HPS1: variants seen among roughly 807,000 people sequenced by gnomAD.
The protein encoded by HPS1 is BLOC-3 complex member HPS1.
In HPS1, 59 loss-of-function variants were observed where a neutral mutation model predicts 90.6. That is an observed-to-expected ratio of 0.65 (90% confidence interval 0.53 to 0.81). HPS1 has a LOEUF of 0.81. Among genes scored for constraint, HPS1 ranks in the 30% least tolerant of loss-of-function variants. The pLI is 0.00. For missense variants in HPS1, 849 were observed against 896.7 expected, an observed-to-expected ratio of 0.95 and a Z score of 0.68; for synonymous variants, 388 against 384.4, an observed-to-expected ratio of 1.01 and a Z score of -0.11.
At position 98,417,737 on chromosome 10, in the gene HPS1, AG is replaced by A. The variant is rs774555067; in HGVS notation, c.1941-12del. 1 of 1,613,192 alleles carries A rather than the reference AG, an allele frequency of 6.2e-7. No homozygotes were observed. The highest frequency in any genetic ancestry group is 1.1e-5 in the South Asian group (1 of 91,060). On this transcript the variant is annotated splice_polypyrimidine_tract_variant and intron_variant, in intron 19 of 19. Coordinates refer to ENST00000361490, the MANE Select transcript of HPS1 (RefSeq NM_000195.5). This position sits in a 1 kb window ranked among gnomAD's most constrained non-coding sequence, Gnocchi z 4.2. ...TAGCGCAGGAGCTTCCTGGGGAGGA[AG>A]GGGAGGATGGGATTCAGGAGTGAGG...
In HPS1 at chr10:98,435,006, C is replaced by A; in HGVS notation, c.398+266G>T. On this transcript the variant is annotated intron_variant, in intron 5 of 19. Transcript: ENST00000361490. This position sits in a 1 kb window ranked among gnomAD's most constrained non-coding sequence, Gnocchi z 4.3. ...AGAGCACTGGACTGAGAGTCCTGAG[C>A]TCAAATATCCAGTTTGGATGTGGCC... 2.0e-6 allele frequency: 1 copy of A among 502,466 alleles called. No homozygotes were observed. The highest frequency in any genetic ancestry group is 3.6e-6 in the Non-Finnish European group (1 of 275,220). 31.1% of individuals were successfully genotyped at this position (502,466 alleles called of 1,614,324 possible). A position where few individuals can be genotyped will look rare whatever the true frequency, so the allele number is the denominator to read the frequency against.
At chr10:98,424,553 A>G (rs1397160984) in intron 13 of HPS1, among the ~76,000 whole-genome samples, 179 bp from the exon 14 acceptor site, 3 of 151,592 alleles carry the variant, frequency 2.0e-5, no homozygotes, top group Non-Finnish European at 2.9e-5. Context: ...TCAGTGTGCC[A>G]TGTTCTAGTC....
At chr10:98,429,509 T>C in intron 10 of HPS1, 64 bp downstream of exon 10, 4 of 1,612,978 alleles carry the variant, frequency 2.5e-6, no homozygotes, top group Non-Finnish European at 3.4e-6. Context: ...CTAAGACAGA[T>C]GTCCTGGGCT....
At chr10:98,440,992 A>G (rs1591148306) in intron 3 of HPS1, among the ~76,000 whole-genome samples, 1 of 152,260 alleles carries the variant, frequency 6.6e-6, no homozygotes, top group South Asian at 2.1e-4. Flanking sequence ...TTGAATGTCT[A>G]TGATCTCTGA....
rs762366571 is a variant in HPS1, at chr10:98,417,567, G to C, written c.2100C>G (p.Leu700=). 2.5e-6 allele frequency: 4 copies of C among 1,610,424 alleles called. No individual in the cohort carries two copies. The Admixed American group carries it at 6.7e-5, about 27-fold the overall frequency. The change falls in exon 20 of 20, where the codon CTC becomes CTG. Residue 700 remains leucine (L), a synonymous_variant. Coordinates refer to ENST00000361490, the MANE Select transcript of HPS1 (RefSeq NM_000195.5). This position sits in a 1 kb window ranked among gnomAD's most constrained non-coding sequence, Gnocchi z 4.2. The stretch of plus-strand genomic sequence containing the variant: ...GGCAGACTGCGGCCACCTTGGCCTA[G>C]AGCAGGGGGATACGGGAGGCCTCCC... ...RLWEASRIPL[L] is the part of the protein sequence containing the mutation.
chr10:98,442,462 T>C lies in HPS1; in HGVS notation c.117+662A>G, dbSNP rs180739994. On this transcript the variant is annotated intron_variant, in intron 3 of 19. Transcript: ENST00000361490. ...CTTTAAATATGTGCAATTTATGGTATGTTAATCATACCTTAATACAGCTAT... is the reference window on the plus strand; with the variant it reads ...CTTTAAATATGTGCAATTTATGGTACGTTAATCATACCTTAATACAGCTAT... 9 of 157,348 alleles carry C rather than the reference T, an allele frequency of 5.7e-5. No homozygotes were observed. The East Asian group carries it at 1.5e-3, about 27-fold the overall frequency. The allele number at this position is 157,348 out of a possible 1,614,324, so 9.7% of individuals were successfully genotyped here. A position where few individuals can be genotyped will look rare whatever the true frequency, so the allele number is the denominator to read the frequency against.
chr10:98,425,614 G>A lies in HPS1; in HGVS notation c.1262C>T (p.Ser421Phe), dbSNP rs772222365. Residue 421 changes from serine (S) to phenylalanine (F), a missense_variant, in exon 13 of 20, where the codon TCC becomes TTC. Transcript: ENST00000361490. ...EGPEPGASLR[S>F]QPLVGDLRQR... ...GCGCAGGTCTCCCACGAGGGGCTGG[G>A]AGCGCAGGGAGGCCCCGGGCTCCGG... The A allele has an allele frequency of 1.2e-6, 2 of 1,613,832 alleles. No individual in the cohort carries two copies. The highest frequency in any genetic ancestry group is 3.3e-5 in the Admixed American group (2 of 59,986).
intron 16 of HPS1, among the ~76,000 whole-genome samples, chr10:98,423,281 C>CA (rs372730915): frequency 4.9e-5 from 7 of 142,138 alleles, no homozygotes; most frequent in African/African-American, 1.8e-4. Flanking sequence ...CCACAGGAAC[C>CA]CCCCCCCCGG....
At chr10:98,426,690 A>G (rs1845643654) in intron 11 of HPS1, among the ~76,000 whole-genome samples, 1 of 152,068 alleles carries the variant, frequency 6.6e-6, no homozygotes, top group Non-Finnish European at 1.5e-5. Flanking sequence ...AAAAAGTATA[A>G]TGAAACACGT....
At position 98,423,941 on chromosome 10, in the gene HPS1, G is replaced by A. The variant is rs550831481; in HGVS notation, c.1398-54C>T. On this transcript the variant is annotated intron_variant, in intron 14 of 19. Coordinates refer to ENST00000361490, the MANE Select transcript of HPS1 (RefSeq NM_000195.5). The stretch of plus-strand genomic sequence containing the variant: ...CAGAAGGGACCTAGGGGAGCCCCTC[G>A]CCCTGTGTGGACCACCTTGTTCCTG... The A allele has an allele frequency of 1.5e-4, 246 of 1,602,296 alleles. 2 individuals are homozygous for A. The South Asian group carries it at 2.1e-3, about 14-fold the overall frequency.
In HPS1 at chr10:98,431,240, G is replaced by C; in HGVS notation, c.559C>G (p.Leu187Val). 6.2e-7 allele frequency: 1 copy of C among 1,613,988 alleles called. No individual in the cohort carries two copies. Residue 187 changes from leucine (L) to valine (V), a missense_variant, in exon 7 of 20, where the codon CTG (leucine) becomes GTG (valine). Coordinates refer to ENST00000361490, the MANE Select transcript of HPS1 (RefSeq NM_000195.5). ...PQLCELCIEA[L>V]ERHVIQAVNT... ...ACAGCCTGGATGACGTGCCGCTCCA[G>C]CGCCTCTATGCACAGCTCACAGAGC...
rs765849304 is a variant in HPS1 at position 98,435,386 on chromosome 10, T to C, written c.284A>G (p.Asn95Ser). ...CCCCTCGCTCTCGGTGTGGTCACCA[T>C]TGATGGCAATGAACAGGCATTCTCC... is the stretch of plus-strand genomic sequence containing the variant. The part of the protein sequence containing the change: ...LFGECLFIAI[N>S]GDHTESEGDL... Residue 95 changes from asparagine (N) to serine (S), a missense_variant, in exon 5 of 20, where the codon AAT becomes AGT. Asn to Ser is a conservative substitution (Grantham distance 46, BLOSUM62 1). Coordinates refer to ENST00000361490, the MANE Select transcript of HPS1 (RefSeq NM_000195.5). This position sits in a 1 kb window ranked among gnomAD's most constrained non-coding sequence, Gnocchi z 4.3. The C allele has an allele frequency of 2.7e-5, 44 of 1,613,842 alleles. No individual in the cohort carries two copies. Among genetic ancestry groups the C allele is most frequent in the Non-Finnish European group, 3.6e-5 (43 of 1,180,018 alleles).
intron 10 of HPS1, 26 bp from the exon 11 acceptor site, chr10:98,427,290 C>T (rs1388905241): frequency 9.7e-6 from 15 of 1,539,936 alleles, no homozygotes; most frequent in East Asian, 4.9e-5. Flanking sequence ...AATAACATAA[C>T]GATGTAAGTA....
rs1439419709 is a variant in HPS1, at chr10:98,417,828, G to T, written c.1941-102C>A. ...TCGCAAGCAAATGCCCATGCCCTCGGTCATCTCACTAGGCCCCTGCATGTG... is the reference window on the plus strand; with the variant it reads ...TCGCAAGCAAATGCCCATGCCCTCGTTCATCTCACTAGGCCCCTGCATGTG... On this transcript the variant is annotated intron_variant, in intron 19 of 19. Coordinates refer to ENST00000361490, the MANE Select transcript of HPS1 (RefSeq NM_000195.5). This position sits in a 1 kb window ranked among gnomAD's most constrained non-coding sequence, Gnocchi z 4.2. 8.9e-7 allele frequency: 1 copy of T among 1,117,414 alleles called. No homozygotes were observed. The highest frequency in any genetic ancestry group is 1.5e-5 in the African/African-American group (1 of 65,288). 69.2% of individuals were successfully genotyped at this position (1,117,414 alleles called of 1,614,324 possible).
chr10:98,444,957 G>A (rs1342153959), intron 2 of HPS1, among the ~76,000 whole-genome samples: 2 of 152,202 alleles, frequency 1.3e-5, no homozygotes, highest in Non-Finnish European at 2.9e-5. Flanking sequence ...GTGGTTGTGA[G>A]CGGAGAAGTG....
chr10:98,420,474 G>A (rs1844710526), intron 17 of HPS1: 1 of 359,756 alleles, frequency 2.8e-6, no homozygotes, highest in East Asian at 7.1e-5. Flanking sequence ...AGCACTTTGG[G>A]AGGCTGAGGT....
intron 16 of HPS1, 67 bp downstream of exon 16, chr10:98,423,536 G>A: frequency 2.8e-6 from 4 of 1,428,900 alleles, no homozygotes; most frequent in Non-Finnish European, 4.0e-6. Flanking sequence ...TCCCTCCAGG[G>A]AGCAGGTGTA....
chr10:98,422,645 G>C, intron 16 of HPS1, 132 bp from the exon 17 acceptor site: 1 of 900,632 alleles, frequency 1.1e-6, no homozygotes, highest in Non-Finnish European at 1.8e-6. Context: ...TTCCATTTCA[G>C]CTAAGCCCCC....
chr10:98,442,979 G>T, intron 3 of HPS1, 145 bp downstream of exon 3: 1 of 762,772 alleles, frequency 1.3e-6, no homozygotes, highest in Non-Finnish European at 2.4e-6. Context: ...GGGTCTAGGT[G>T]TGAAGGATGC....
Sources: gnomAD v4.1 joint callset for allele counts (sites outside exome capture counted in the v4.1 genomes callset) on GRCh38, gnomAD v4.1.1 for gene constraint, Gnocchi (gnomAD v3.1) non-coding constraint, MANE v1.5 for transcripts, NCBI Gene and HGNC (gene_info 2026-07-23, HGNC 2026-07-21) for gene names.